TSBP1: variants seen among roughly 807,000 people sequenced by gnomAD.
The protein encoded by TSBP1 is testis-expressed basic protein 1.
A neutral mutation model predicts 68.8 loss-of-function variants in TSBP1; 56 were observed. The ratio of observed to expected loss-of-function variants is 0.81; its 90% CI spans 0.66 to 1.02. The LOEUF is 1.02. Ranked by LOEUF, TSBP1 falls within the 50% of genes least tolerant of loss-of-function variation. TSBP1 has a pLI of 0.00. For missense variants in TSBP1, 502 were observed against 641.2 expected (o/e 0.78, Z 2.34); for synonymous variants, 171 against 208.7 (o/e 0.82, Z 1.56).
rs145748617 is a variant in TSBP1 at position 32,367,284 on chromosome 6, G to A, written c.166+641C>T. On this transcript the variant is annotated intron_variant, in intron 4 of 22. Coordinates refer to ENST00000612031, the Ensembl canonical transcript of TSBP1. ...GAGAGAAAGAGAGAGAGAGACAGCC[G>A]AGGGAACATCTATAGGCAGCCCTGG... Among the ~76,000 whole-genome samples the A allele has an allele frequency of 4.3e-3, 564 of 131,230 alleles. 5 individuals are homozygous for A. The highest frequency in any genetic ancestry group is 0.014 in the African/African-American group (528 of 37,540). The allele number at this position is 131,230 out of a possible 152,430, so 86.1% of individuals were successfully genotyped here.
intron 15 of TSBP1, among the ~76,000 whole-genome samples, 177 bp downstream of exon 16, chr6:32,331,857 C>A (rs115085776): frequency 0.039 from 5,928 of 152,226 alleles, 328 homozygotes; most frequent in African/African-American, 0.12. Context: ...CTCTCTGTGT[C>A]TTTTCTTTAA....
chr6:32,330,635 AACACACACACACAC>A (rs9279582), intron 15 of TSBP1, 26 bp from the exon 17 acceptor site: 77 of 1,134,626 alleles, frequency 6.8e-5, no homozygotes, highest in Middle Eastern at 5.7e-4. Context: ...AAACAAATTA[AACACACACACACAC>A]ACACACACAC....
rs1765382682 is a variant in TSBP1 at position 32,302,265 on chromosome 6, C to T, written c.601+344G>A. 6.6e-6 allele frequency among the ~76,000 whole-genome samples: 1 copy of T among 151,884 alleles called. No homozygotes were observed. Among genetic ancestry groups the T allele is most frequent in the African/African-American group, 2.4e-5 (1 of 41,334 alleles). On this transcript the variant is annotated intron_variant, in intron 20 of 22. Transcript: ENST00000612031. The surrounding 1 kb of genome is among the most constrained non-coding windows in gnomAD (Gnocchi z 5.1). ...GCCAGGACTTTGAGACCAGCCTAGG[C>T]AACATAGCAAGACTCAGTTTCTACA...
At chr6:32,298,090 T>C (rs1473636293) in intron 22 of TSBP1, among the ~76,000 whole-genome samples, 2 of 152,154 alleles carry the variant, frequency 1.3e-5, no homozygotes, top group Non-Finnish European at 2.9e-5. Flanking sequence ...CTCAGAGCCC[T>C]TGTATTAGTC....
chr6:32,311,240 G>A (rs1025262995), intron 19 of TSBP1, among the ~76,000 whole-genome samples: 6 of 151,820 alleles, frequency 4.0e-5, no homozygotes, highest in African/African-American at 7.3e-5. Context: ...TAGTCCAATC[G>A]TCTTAAATGT....
At chr6:32,353,591 A>T (rs1771943749) in intron 8 of TSBP1, among the ~76,000 whole-genome samples, 1 of 152,122 alleles carries the variant, frequency 6.6e-6, no homozygotes, top group South Asian at 2.1e-4. Flanking sequence ...GAAAAGGTCA[A>T]AGAATAGCCA....
intron 20 of TSBP1, among the ~76,000 whole-genome samples, chr6:32,301,905 T>C (rs1426748592): frequency 1.3e-5 from 2 of 150,632 alleles, no homozygotes; most frequent in Non-Finnish European, 3.0e-5. Flanking sequence ...TAGGACATGC[T>C]ATTTTTGCAT....
chr6:32,323,794 A>C, intron 16 of TSBP1, 180 bp from the exon 18 acceptor site: 1 of 622,902 alleles, frequency 1.6e-6, no homozygotes, highest in Non-Finnish European at 2.9e-6. Flanking sequence ...TAATAACTTC[A>C]TGGAATTTTG....
At chr6:32,329,947 T>C (rs187670914) in intron 16 of TSBP1, among the ~76,000 whole-genome samples, 34 of 152,364 alleles carry the variant, frequency 2.2e-4, no homozygotes, top group African/African-American at 7.9e-4. Flanking sequence ...CTTCTGCCAG[T>C]TCCTGTAAAT....
chr6:32,331,873 G>A (rs1431137624), intron 15 of TSBP1, 161 bp downstream of exon 16: 15 of 619,778 alleles, frequency 2.4e-5, no homozygotes, highest in Non-Finnish European at 3.7e-5. Context: ...TTTAACCCTC[G>A]CCTTCCCTCC....
chr6:32,324,421 C>T (rs1350318333), intron 16 of TSBP1: 1 of 694,040 alleles, frequency 1.4e-6, no homozygotes, highest in African/African-American at 1.8e-5. Flanking sequence ...TGACTTATCT[C>T]TTCCCTTTTT....
chr6:32,332,531 T>C (rs946670386), intron 14 of TSBP1, among the ~76,000 whole-genome samples: 2 of 152,220 alleles, frequency 1.3e-5, no homozygotes, highest in African/African-American at 4.8e-5. Flanking sequence ...TGGAGAGTGA[T>C]AGAGCAGTGA....
rs1765115974 is a variant in TSBP1, at chr6:32,299,951, CAAAAG to C, written c.623-20_623-16del. On this transcript the variant is annotated splice_polypyrimidine_tract_variant and intron_variant, in intron 21 of 22. Transcript: ENST00000612031. ...AGGAGTCAGTGCTAAAAACAAAACA[CAAAAG>C]AAAGATCAGTGAGGATTTTCTAACT... 3 of 1,606,516 alleles carry C rather than the reference CAAAAG, an allele frequency of 1.9e-6. No individual in the cohort carries two copies. Among genetic ancestry groups the C allele is most frequent in the Non-Finnish European group, 2.6e-6 (3 of 1,173,192 alleles).
Position 32,347,354 on chromosome 6 carries a change from G to T in TSBP1, c.349+2386C>A, listed in dbSNP as rs554196092. ...ATTTTTTATTCATTGTAGAGACAGG[G>T]TCTCACTCTGTTGTTGAGGCTGTGA... On this transcript the variant is annotated intron_variant, in intron 9 of 22. Coordinates refer to ENST00000612031, the Ensembl canonical transcript of TSBP1. Among the ~76,000 whole-genome samples the T allele has an allele frequency of 1.4e-4, 20 of 137,934 alleles. No individual in the cohort carries two copies. The South Asian group carries it at 3.6e-3, about 25-fold the overall frequency. 90.5% of individuals were successfully genotyped at this position (137,934 alleles called of 152,430 possible). A position where few individuals can be genotyped will look rare whatever the true frequency, so the allele number is the denominator to read the frequency against.
intron 9 of TSBP1, among the ~76,000 whole-genome samples, chr6:32,341,665 G>A (rs1770371679): frequency 6.6e-6 from 1 of 152,158 alleles, no homozygotes; most frequent in South Asian, 2.1e-4. Context: ...TGTGGCCTGA[G>A]TTGGGATAGG....
At chr6:32,296,525 A>C (rs927105039) in intron 22 of TSBP1, among the ~76,000 whole-genome samples, 1 of 152,206 alleles carries the variant, frequency 6.6e-6, no homozygotes, top group African/African-American at 2.4e-5. Flanking sequence ...AGCATTGCTA[A>C]ATTGAGAAAA....
At chr6:32,369,788 G>T in intron 2 of TSBP1, 109 bp downstream of exon 2, 1 of 803,964 alleles carries the variant, frequency 1.2e-6, no homozygotes, top group Non-Finnish European at 2.3e-6. Context: ...CCAGAATATT[G>T]GCAAAGTCTC....
chr6:32,355,687 A>C lies in TSBP1; in HGVS notation c.218-18T>G, dbSNP rs764138025. ...GGATCTCTCTGAAAACATAAACAAA[A>C]GAAAGAAAAATCAATTTGGATATTC... is the stretch of plus-strand genomic sequence containing the variant. On this transcript the variant is annotated intron_variant, in intron 6 of 22. Transcript: ENST00000612031. 2 of 1,584,186 alleles carry C rather than the reference A, an allele frequency of 1.3e-6. No homozygotes were observed. Among genetic ancestry groups the C allele is most frequent in the South Asian group, 2.3e-5 (2 of 88,394 alleles).
chr6:32,352,688 A>T (rs1382623104), intron 8 of TSBP1, among the ~76,000 whole-genome samples: 1 of 151,882 alleles, frequency 6.6e-6, no homozygotes, highest in Admixed American at 6.6e-5. Flanking sequence ...ACAAAAACAA[A>T]CTTTTAAGGT....
Sources: gnomAD v4.1 joint callset for allele counts (sites outside exome capture counted in the v4.1 genomes callset) on GRCh38, gnomAD v4.1.1 for gene constraint, Gnocchi (gnomAD v3.1) non-coding constraint, MANE v1.5 for transcripts, NCBI Gene and HGNC (gene_info 2026-07-23, HGNC 2026-07-21) for gene names.